The following TNKS variants were observed in gnomAD, a reference collection of about 807,000 sequenced individuals.
The protein encoded by TNKS is poly [ADP-ribose] polymerase tankyrase-1.
Under a neutral mutation model 135.8 loss-of-function variants are expected in TNKS, and 72 were observed. The ratio of observed to expected loss-of-function variants is 0.53; its 90% CI spans 0.44 to 0.64. The LOEUF (loss-of-function observed/expected upper bound fraction) is 0.64. TNKS is among the 30% of genes least tolerant of loss of function. The probability of loss-of-function intolerance (pLI) is 0.00; values close to 1 mark genes in which losing one functional copy is unlikely to be tolerated. For missense variants in TNKS, 1,769 were observed against 1,674.0 expected, an observed-to-expected ratio of 1.06 and a Z score of -0.99; for synonymous variants, 849 against 649.3, an observed-to-expected ratio of 1.31 and a Z score of -4.68.
intron 18 of TNKS, 51 bp from the exon 19 acceptor site, chr8:9,751,558 C>A: frequency 2.0e-6 from 3 of 1,521,016 alleles, no homozygotes; most frequent in South Asian, 1.2e-5. Flanking sequence ...AAAAACTTAC[C>A]ATTTTAATAT....
intron 3 of TNKS, among the ~76,000 whole-genome samples, chr8:9,616,640 T>C (rs1481275843): frequency 6.6e-6 from 1 of 152,170 alleles, no homozygotes; most frequent in Non-Finnish European, 1.5e-5. Flanking sequence ...GCTTTGAAAA[T>C]CTATGGAATT....
intron 17 of TNKS, among the ~76,000 whole-genome samples, chr8:9,739,123 C>T (rs1805797596): frequency 7.3e-6 from 1 of 137,814 alleles, no homozygotes; most frequent in African/African-American, 2.8e-5. Context: ...AGGCAACCTA[C>T]AACATGGGAG....
At position 9,580,341 on chromosome 8, in the gene TNKS, C is replaced by G. The variant is rs1431328988; in HGVS notation, c.856C>G (p.Leu286Val). ...CAGGGATAACTGGAACTATACACCT[C>G]TGCATGAAGCTGCTATTAAAGGGAA... ...NARDNWNYTP[L>V]HEAAIKGKID... is the part of the protein sequence containing the mutation. Residue 286 changes from leucine to valine, a missense_variant, in exon 2 of 27, where the codon CTG (leucine) becomes GTG (valine). Leu to Val is a conservative substitution (Grantham distance 32). Around this residue, in one of 5 missense-constraint regions of TNKS, gnomAD observed 523 missense variants for 541.0 expected, o/e 0.97. Transcript: ENST00000310430. 6.2e-7 allele frequency: 1 copy of G among 1,614,106 alleles called. No homozygotes were observed. The highest frequency in any genetic ancestry group is 2.2e-5 in the East Asian group (1 of 44,878).
In TNKS at chr8:9,730,055, G is replaced by A. The variant is rs370366512; in HGVS notation, c.2002-835G>A. Among the ~76,000 whole-genome samples, 478 of 152,214 alleles carry A rather than the reference G, an allele frequency of 3.1e-3. 4 individuals carry two copies. The highest frequency in any genetic ancestry group is 0.012 in the South Asian group (56 of 4,824). The stretch of plus-strand genomic sequence containing the variant: ...CTCCCAAAGTGCTGGGATTGCAGGC[G>A]TGAGCCAACGCACCTGGCCAATATT... On this transcript the variant is annotated intron_variant, in intron 13 of 26. Transcript: ENST00000310430.
intron 2 of TNKS, among the ~76,000 whole-genome samples, chr8:9,591,069 T>C (rs1262132444): frequency 6.6e-6 from 1 of 152,218 alleles, no homozygotes; most frequent in Non-Finnish European, 1.5e-5. Flanking sequence ...GAATTGATGT[T>C]TGGAGATGAT....
chr8:9,599,348 C>G (rs767948671), intron 2 of TNKS, among the ~76,000 whole-genome samples: 1 of 152,198 alleles, frequency 6.6e-6, no homozygotes, highest in Non-Finnish European at 1.5e-5. Flanking sequence ...TGCAAAGAGC[C>G]AAGCCGAGTT....
chr8:9,654,193 A>G (rs1366025277), intron 3 of TNKS, among the ~76,000 whole-genome samples: 1 of 152,230 alleles, frequency 6.6e-6, no homozygotes, highest in Non-Finnish European at 1.5e-5. Flanking sequence ...CAGAATCACA[A>G]GATCTCAATA....
intron 1 of TNKS, among the ~76,000 whole-genome samples, chr8:9,573,134 CT>C (rs1312576565): frequency 6.6e-6 from 1 of 151,970 alleles, no homozygotes; most frequent in African/African-American, 2.4e-5. Flanking sequence ...CACCAAGTGC[CT>C]TTTTATCTTT....
At chr8:9,750,504 C>T (rs1442892627) in intron 18 of TNKS, among the ~76,000 whole-genome samples, 1 of 152,182 alleles carries the variant, frequency 6.6e-6, no homozygotes, top group Non-Finnish European at 1.5e-5. Flanking sequence ...TTCCGTAAGA[C>T]CTCCTGTGGC....
intron 17 of TNKS, among the ~76,000 whole-genome samples, chr8:9,740,098 C>G (rs1317186460): frequency 1.4e-5 from 2 of 142,776 alleles, no homozygotes; most frequent in East Asian, 4.4e-4. Flanking sequence ...CAGAGTTATC[C>G]TTTCAAACAC....
At chr8:9,751,587 T>C (rs1424555349) in intron 18 of TNKS, 22 bp from the exon 19 acceptor site, 4 of 1,597,942 alleles carry the variant, frequency 2.5e-6, no homozygotes, top group South Asian at 1.1e-5. Context: ...TTCATGGTTT[T>C]TGTTTTTAAT....
At chr8:9,710,534 C>A in intron 11 of TNKS, 1 of 479,872 alleles carries the variant, frequency 2.1e-6, no homozygotes, top group Non-Finnish European at 3.7e-6. Context: ...ATAGTGTCCA[C>A]TTGAATAACA....
At chr8:9,556,771 C>G in intron 1 of TNKS, 159 bp downstream of exon 1, 3 of 658,576 alleles carry the variant, frequency 4.6e-6, no homozygotes, top group Non-Finnish European at 7.0e-6. Context: ...TTTGGTGGTG[C>G]CTGGGTGATG....
At chr8:9,756,972 T>C (rs887187343) in intron 20 of TNKS, among the ~76,000 whole-genome samples, 12 of 144,970 alleles carry the variant, frequency 8.3e-5, no homozygotes, top group Admixed American at 8.0e-4. Flanking sequence ...TTTTTGTTTG[T>C]TTTTTTTTGT....
chr8:9,641,965 G>A (rs1224199926), intron 3 of TNKS, among the ~76,000 whole-genome samples: 1 of 146,090 alleles, frequency 6.8e-6, no homozygotes, highest in East Asian at 2.1e-4. Context: ...TGTCTTCCAA[G>A]GCAAATCATT....
chr8:9,562,382 C>G (rs1295261541), intron 1 of TNKS, among the ~76,000 whole-genome samples: 7 of 151,982 alleles, frequency 4.6e-5, no homozygotes, highest in African/African-American at 1.7e-4. Context: ...TGACTCATCA[C>G]CTGGATAAGA....
At chr8:9,717,072 A>ATATATATATATATATAAATATATATAT (rs376229840) in intron 11 of TNKS, among the ~76,000 whole-genome samples, 1 of 79,460 alleles carries the variant, frequency 1.3e-5, no homozygotes, top group Non-Finnish European at 2.5e-5. Flanking sequence ...GTTGTATTAT[A>ATATATATATATATATAAATATATATAT]ATATATATAT....
intron 3 of TNKS, among the ~76,000 whole-genome samples, chr8:9,629,514 G>C (rs1800202113): frequency 6.6e-6 from 1 of 152,168 alleles, no homozygotes; most frequent in African/African-American, 2.4e-5. Flanking sequence ...TGCTTTTCCT[G>C]TTGCTCCTGT....
chr8:9,728,634 G>A (rs1442884304), intron 13 of TNKS, among the ~76,000 whole-genome samples: 1 of 152,000 alleles, frequency 6.6e-6, no homozygotes, highest in Non-Finnish European at 1.5e-5. Flanking sequence ...ATCAATTTTT[G>A]CATCTTTTCT....
Sources: allele counts gnomAD v4.1 joint callset (sites outside exome capture counted in the v4.1 genomes callset), GRCh38; gene constraint gnomAD v4.1.1; regional missense constraint gnomAD v4.1.1; transcripts MANE v1.5; gene names NCBI Gene and HGNC (gene_info 2026-07-23, HGNC 2026-07-21).